Variants in IQGAP2 observed in about 807,000 individuals in gnomAD.
IQGAP2 encodes ras GTPase-activating-like protein IQGAP2.
IQGAP2 carries 173 observed loss-of-function variants against 201.3 expected under a neutral mutation model. The observed-to-expected ratio is 0.86, with a 90% CI of 0.76 to 0.98. IQGAP2 has a LOEUF of 0.98. Ranked by LOEUF, IQGAP2 falls within the 50% of genes least tolerant of loss-of-function variation. The pLI is 0.00. For synonymous variants in IQGAP2, 675 were observed against 673.9 expected, an observed-to-expected ratio of 1.00 and a Z score of -0.03; for missense variants, 1,687 against 1,864.8, an observed-to-expected ratio of 0.90 and a Z score of 1.76.
chr5:76,417,760 T>A (rs773582644), intron 1 of IQGAP2, among the ~76,000 whole-genome samples: 1 of 151,798 alleles, frequency 6.6e-6, no homozygotes, highest in Non-Finnish European at 1.5e-5. Context: ...TTTGTATTTT[T>A]AGTAGGAGAT....
At chr5:76,524,366 GT>G (rs1201444813) in intron 2 of IQGAP2, among the ~76,000 whole-genome samples, 1 of 152,166 alleles carries the variant, frequency 6.6e-6, no homozygotes, top group Non-Finnish European at 1.5e-5. Flanking sequence ...CCATTTAAGA[GT>G]TTTTTAAATA....
intron 1 of IQGAP2, among the ~76,000 whole-genome samples, chr5:76,413,443 A>G (rs1366101735): frequency 6.6e-6 from 1 of 152,176 alleles, no homozygotes; most frequent in Non-Finnish European, 1.5e-5. Context: ...TGCTGGGATA[A>G]CAGGCGTGGG....
intron 23 of IQGAP2, among the ~76,000 whole-genome samples, chr5:76,670,546 G>A (rs1744221161): frequency 6.6e-6 from 1 of 152,062 alleles, no homozygotes. Context: ...AGCATTTAAA[G>A]GTGGGAAGAG....
chr5:76,476,723 A>G (rs1316995763), intron 2 of IQGAP2, among the ~76,000 whole-genome samples: 6 of 152,296 alleles, frequency 3.9e-5, no homozygotes, highest in Non-Finnish European at 8.8e-5. Context: ...AGATTTATGT[A>G]ACTGTGGTAG....
At chr5:76,406,146 T>A (rs1304027780) in intron 1 of IQGAP2, among the ~76,000 whole-genome samples, 1 of 152,176 alleles carries the variant, frequency 6.6e-6, no homozygotes, top group Admixed American at 6.5e-5. Context: ...CTATGGTCTT[T>A]CTCCTCTGTA....
At chr5:76,447,576 C>G (rs546677983) in intron 1 of IQGAP2, among the ~76,000 whole-genome samples, 1 of 152,278 alleles carries the variant, frequency 6.6e-6, no homozygotes, top group South Asian at 2.1e-4. Flanking sequence ...ATGCTTCTTC[C>G]CAGGAATGAT....
Position 76,683,786 on chromosome 5 carries a change from A to G in IQGAP2, c.3774A>G (p.Ala1258=). ...PTVESFLGEG[A]VDPNDPNKAN... Reference sequence around the variant, plus strand: ...GTTTTTTCCCTACAGGGGAAGGAGCAGTTGACCCCAATGACCCTAACAAGG... The same window carrying G: ...GTTTTTTCCCTACAGGGGAAGGAGCGGTTGACCCCAATGACCCTAACAAGG... The change falls in exon 30 of 36, where the codon GCA becomes GCG. Residue 1258 remains alanine, a synonymous_variant. Coordinates refer to ENST00000274364, the MANE Select transcript of IQGAP2 (RefSeq NM_006633.5). 1 of 1,611,332 alleles carries G rather than the reference A, an allele frequency of 6.2e-7. No homozygotes were observed. Among genetic ancestry groups the G allele is most frequent in the East Asian group, 2.2e-5 (1 of 44,770 alleles).
chr5:76,606,137 G>C, intron 11 of IQGAP2, 42 bp from the exon 12 acceptor site: 1 of 1,535,442 alleles, frequency 6.5e-7, no homozygotes, highest in Non-Finnish European at 8.8e-7. Context: ...AACGAAGAAT[G>C]AATGTCTCTA....
At chr5:76,505,104 A>G (rs1031359348) in intron 2 of IQGAP2, among the ~76,000 whole-genome samples, 2 of 152,136 alleles carry the variant, frequency 1.3e-5, no homozygotes, top group Non-Finnish European at 2.9e-5. Context: ...TGTGGCCTGT[A>G]TGGCACCCTC....
At chr5:76,454,741 C>T (rs1190033039) in intron 1 of IQGAP2, among the ~76,000 whole-genome samples, 7 of 151,360 alleles carry the variant, frequency 4.6e-5, no homozygotes, top group Admixed American at 1.3e-4. Context: ...TGAATAGTGC[C>T]GCAATAAACA....
chr5:76,642,516 G>A (rs1401805560), intron 17 of IQGAP2, among the ~76,000 whole-genome samples: 1 of 152,160 alleles, frequency 6.6e-6, no homozygotes, highest in Non-Finnish European at 1.5e-5. Flanking sequence ...CTAAAGGTAA[G>A]CCTACTTTAC....
chr5:76,697,939 T>C, intron 32 of IQGAP2, 48 bp from the exon 33 acceptor site: 2 of 1,480,624 alleles, frequency 1.4e-6, no homozygotes, highest in Non-Finnish European at 9.3e-7. Context: ...GGCAATATCA[T>C]AAAGCAAACT....
chr5:76,591,610 C>T (rs1300216241), intron 8 of IQGAP2, among the ~76,000 whole-genome samples: 1 of 152,198 alleles, frequency 6.6e-6, no homozygotes, highest in African/African-American at 2.4e-5. Context: ...CCTTGAGATT[C>T]TCTGCTTCAC....
intron 2 of IQGAP2, among the ~76,000 whole-genome samples, chr5:76,494,932 C>A (rs1221744129): frequency 1.3e-5 from 2 of 152,210 alleles, no homozygotes; most frequent in East Asian, 3.9e-4. Flanking sequence ...TTTTAAATTC[C>A]CAGCTGGAAA....
chr5:76,639,721 T>C (rs1050066617), intron 16 of IQGAP2, among the ~76,000 whole-genome samples: 2 of 152,152 alleles, frequency 1.3e-5, no homozygotes, highest in Non-Finnish European at 2.9e-5. Flanking sequence ...TACTAAAACT[T>C]AGAGGAAAAA....
chr5:76,636,907 C>G (rs1232278373), intron 15 of IQGAP2, 127 bp from the exon 16 acceptor site: 3 of 691,976 alleles, frequency 4.3e-6, no homozygotes, highest in Non-Finnish European at 6.7e-6. Flanking sequence ...TGGGTCACTT[C>G]TGATGCCTTT....
intron 13 of IQGAP2, among the ~76,000 whole-genome samples, chr5:76,621,208 C>T (rs2069697): frequency 0.021 from 3,237 of 152,202 alleles, 82 homozygotes; most frequent in East Asian, 0.097. Context: ...GCAGTTAGCT[C>T]CCGGGTGAAA....
intron 3 of IQGAP2, among the ~76,000 whole-genome samples, chr5:76,563,617 A>G (rs932273534): frequency 9.2e-5 from 14 of 152,350 alleles, no homozygotes; most frequent in Admixed American, 9.1e-4. Flanking sequence ...TCTTCAAAAC[A>G]GATTTTTTAA....
intron 3 of IQGAP2, among the ~76,000 whole-genome samples, chr5:76,567,452 C>G (rs1744832029): frequency 6.6e-6 from 1 of 152,186 alleles, no homozygotes; most frequent in Admixed American, 6.5e-5. Context: ...AATGTAATAA[C>G]AACAGTATCT....
Sources: allele counts gnomAD v4.1 joint callset (sites outside exome capture counted in the v4.1 genomes callset), GRCh38; gene constraint gnomAD v4.1.1; transcripts MANE v1.5; gene names NCBI Gene and HGNC (gene_info 2026-07-23, HGNC 2026-07-21).